Variants in NEB observed in about 807,000 individuals in gnomAD.
NEB encodes nebulin, also known as nemaline myopathy type 2.
NEB carries 512 observed loss-of-function variants against 952.2 expected under a neutral mutation model. The observed-to-expected ratio is 0.54, with a 90% CI of 0.50 to 0.58. The LOEUF is 0.58. Ranked by LOEUF, NEB falls within the 20% of genes least tolerant of loss-of-function variation. The pLI is 0.00. For synonymous variants in NEB, 2,900 were observed against 3,149.8 expected, an observed-to-expected ratio of 0.92 and a Z score of 2.66; for missense variants, 8,428 against 9,231.1, an observed-to-expected ratio of 0.91 and a Z score of 3.56.
chr2:151,510,377 C>G (rs933798620), intron 161 of NEB, among the ~76,000 whole-genome samples: 1 of 152,214 alleles, frequency 6.6e-6, no homozygotes, highest in East Asian at 1.9e-4. Context: ...ACATCCCAGC[C>G]TTTGTACAGG....
At chr2:151,547,823 A>G (rs976474527) in intron 131 of NEB, 85 bp from the exon 132 acceptor site, 1 of 889,068 alleles carries the variant, frequency 1.1e-6, no homozygotes, top group African/African-American at 1.7e-5. Flanking sequence ...AATATTTTAC[A>G]TAAGGAAGAG....
rs1189825211 is a variant in NEB, at chr2:151,630,702, T to A, written c.9723+13A>T. 23 of 1,579,498 alleles carry A rather than the reference T, an allele frequency of 1.5e-5. No individual in the cohort carries two copies. The Admixed American group carries it at 4.0e-4, about 28-fold the overall frequency. On this transcript the variant is annotated intron_variant, in intron 67 of 181. Coordinates refer to ENST00000397345, the MANE Select transcript of NEB (RefSeq NM_001164508.2). ...CACCACCACAATATAGCACCACAGA[T>A]TTTTGCTCCTACCTCACTGTAGTTG...
chr2:151,506,345 G>A, intron 163 of NEB, 87 bp from the exon 164 acceptor site: 1 of 970,556 alleles, frequency 1.0e-6, no homozygotes, highest in Non-Finnish European at 1.6e-6. Flanking sequence ...CATGGCTTTT[G>A]TGAAAACAAG....
intron 9 of NEB, among the ~76,000 whole-genome samples, chr2:151,718,963 G>A (rs1048240924): frequency 3.9e-5 from 6 of 152,040 alleles, no homozygotes; most frequent in African/African-American, 1.4e-4. Flanking sequence ...CGTACATGCT[G>A]TTCCCTCTCC....
At chr2:151,722,386 C>T (rs186011254) in intron 9 of NEB, among the ~76,000 whole-genome samples, 1 of 152,268 alleles carries the variant, frequency 6.6e-6, no homozygotes, top group African/African-American at 2.4e-5. Flanking sequence ...TTTTAAGTTC[C>T]TCTAACATAC....
rs746089985 is a variant in NEB, at chr2:151,640,472, C to G, written c.8568G>C (p.Lys2856Asn). Residue 2856 changes from lysine to asparagine, a missense_variant, in exon 61 of 182, where the codon AAG becomes AAC. Lys to Asn is a moderately conservative substitution (Grantham distance 94). This residue lies in a region of NEB where 1,772 missense variants were observed against 1,960.3 expected (regional missense o/e 0.90). Coordinates refer to ENST00000397345, the MANE Select transcript of NEB (RefSeq NM_001164508.2). The stretch of plus-strand genomic sequence containing the variant: ...CATCGCTGACTAAGGTCTGGCACTT[C>G]TTGGCCAGCACCACCCCCAGCATGT... Reference protein sequence around the residue: ...PVDMLGVVLAKKCQTLVSDVD... With the variant: ...PVDMLGVVLANKCQTLVSDVD... The G allele has an allele frequency of 1.9e-6, 3 of 1,613,984 alleles. No homozygotes were observed. The highest frequency in any genetic ancestry group is 2.2e-5 in the East Asian group (1 of 44,880).
chr2:151,678,774 G>A (rs1454188656), intron 32 of NEB, among the ~76,000 whole-genome samples: 1 of 152,084 alleles, frequency 6.6e-6, no homozygotes, highest in African/African-American at 2.4e-5. Context: ...GAGAAGCAGA[G>A]ACATGAGGGA....
In NEB at chr2:151,660,442, G is replaced by C. The variant is rs116002357; in HGVS notation, c.5971-1273C>G. ...TGATACCTGAGTTTTAAATTTTAAC[G>C]AACATTAACAAATGGCCCATTAAAA... is the stretch of plus-strand genomic sequence containing the variant. On this transcript the variant is annotated intron_variant, in intron 46 of 181. Transcript: ENST00000397345. 4.3e-3 allele frequency among the ~76,000 whole-genome samples: 659 copies of C among 152,156 alleles called. 4 individuals are homozygous for C. The highest frequency in any genetic ancestry group is 0.015 in the African/African-American group (635 of 41,526).
At chr2:151,540,945 T>C in intron 136 of NEB, 144 bp from the exon 137 acceptor site, 1 of 695,848 alleles carries the variant, frequency 1.4e-6, no homozygotes, top group African/African-American at 1.8e-5. Flanking sequence ...TTTTTTGTTA[T>C]ATGCGTTTCT....
rs528188812 is a variant in NEB at position 151,698,868 on chromosome 2, T to C, written c.1153-1220A>G. On this transcript the variant is annotated intron_variant, in intron 13 of 181. Transcript: ENST00000397345. ...TTAGCCAGGATGGTCTCCATCTCTT[T>C]TTTTTTTTTTTTAATTATACTTTAA... Among the ~76,000 whole-genome samples the C allele has an allele frequency of 2.6e-5, 4 of 151,056 alleles. No homozygotes were observed. The East Asian group carries it at 7.7e-4, about 29-fold the overall frequency.
At chr2:151,556,631 G>A (rs1287384081) in intron 124 of NEB, among the ~76,000 whole-genome samples, 1 of 152,082 alleles carries the variant, frequency 6.6e-6, no homozygotes, top group Non-Finnish European at 1.5e-5. Flanking sequence ...TTACATAATG[G>A]GAAAGGGATC....
chr2:151,490,655 A>C, intron 179 of NEB, 137 bp from the exon 180 acceptor site: 6 of 1,042,560 alleles, frequency 5.8e-6, no homozygotes, highest in Non-Finnish European at 8.3e-6. Flanking sequence ...TCAAACCCTC[A>C]CAGTTATTCT....
Position 151,642,542 on chromosome 2 carries a change from G to A in NEB, c.8373+32C>T, listed in dbSNP as rs369556101. On this transcript the variant is annotated intron_variant, in intron 60 of 181. Transcript: ENST00000397345. ...GAGAGAAATAAATCTTTGAGCCAAA[G>A]CTAAGGCAAATAACTTTCCAAGTAT... is the stretch of plus-strand genomic sequence containing the variant. 65 of 1,565,960 alleles carry A rather than the reference G, an allele frequency of 4.2e-5. No homozygotes were observed. In the African/African-American group the frequency reaches 8.7e-4, roughly 21 times the overall value.
intron 124 of NEB, among the ~76,000 whole-genome samples, chr2:151,559,541 CA>C (rs2095882452): frequency 6.6e-6 from 1 of 152,180 alleles, no homozygotes; most frequent in African/African-American, 2.4e-5. Context: ...GGAACCAACC[CA>C]AATGCCCATC....
intron 10 of NEB, 93 bp downstream of exon 10, chr2:151,717,323 A>G: frequency 1.1e-6 from 1 of 874,566 alleles, no homozygotes; most frequent in Non-Finnish European, 1.9e-6. Flanking sequence ...TTTGTGTTTT[A>G]TCTTCAGTCT....
At position 151,537,980 on chromosome 2, in the gene NEB, T is replaced by C; in HGVS notation, c.20998-4A>G. The C allele has an allele frequency of 6.2e-7, 1 of 1,607,068 alleles. No homozygotes were observed. Among genetic ancestry groups the C allele is most frequent in the Non-Finnish European group, 8.5e-7 (1 of 1,174,158 alleles). On this transcript the variant is annotated splice_region_variant and splice_polypyrimidine_tract_variant and intron_variant, in intron 139 of 181. Coordinates refer to ENST00000397345, the MANE Select transcript of NEB (RefSeq NM_001164508.2). ...TGTAGTTCTCCTTGTATTTTATCTG[T>C]TATAAAAAACACAAAGACAGCTGTA...
In NEB at chr2:151,527,040, C is replaced by T. The variant is rs201961566; in HGVS notation, c.21841-18G>A. ...TATTCAAACTGTGATAGAAGAAAGGCAGAAGAAAAGGGAAGGGTGACAGCA... is the reference window on the plus strand; with the variant it reads ...TATTCAAACTGTGATAGAAGAAAGGTAGAAGAAAAGGGAAGGGTGACAGCA... On this transcript the variant is annotated intron_variant, in intron 147 of 181. Transcript: ENST00000397345. The T allele has an allele frequency of 3.1e-5, 47 of 1,539,312 alleles. No individual in the cohort carries two copies. The East Asian group carries it at 9.0e-4, about 30-fold the overall frequency.
At chr2:151,540,211 T>TA (rs1309130380) in intron 138 of NEB, 133 bp downstream of exon 138, 29 of 467,370 alleles carry the variant, frequency 6.2e-5, no homozygotes, top group Admixed American at 4.3e-4. Context: ...TTTTTTCTCT[T>TA]TAAAAAAATG....
intron 48 of NEB, among the ~76,000 whole-genome samples, chr2:151,656,857 A>G (rs1326661808): frequency 6.6e-6 from 1 of 151,358 alleles, no homozygotes; most frequent in Non-Finnish European, 1.5e-5. Context: ...GAAAAAAAAA[A>G]GGCAAAAAAA....
Sources: allele counts gnomAD v4.1 joint callset (sites outside exome capture counted in the v4.1 genomes callset), GRCh38; gene constraint gnomAD v4.1.1; regional missense constraint gnomAD v4.1.1; transcripts MANE v1.5; gene names NCBI Gene and HGNC (gene_info 2026-07-23, HGNC 2026-07-21).